Variants in HPGD observed in about 807,000 individuals in gnomAD.
HPGD encodes the protein 15-hydroxyprostaglandin dehydrogenase, also known as 15-hydroxyprostaglandin dehydrogenase [NAD(+)].
HPGD carries 29 observed loss-of-function variants against 30.0 expected under a neutral mutation model. That is an observed-to-expected ratio of 0.97 (90% confidence interval 0.72 to 1.32). The LOEUF is 1.32. Ranked by LOEUF, HPGD falls within the 40% of genes most tolerant of loss-of-function variation. The pLI, the probability that HPGD is intolerant of heterozygous loss-of-function variation, is 0.00. For missense variants in HPGD, 340 were observed against 322.1 expected (o/e 1.06, Z -0.43); for synonymous variants, 99 against 112.4 (o/e 0.88, Z 0.75).
intron 3 of HPGD, among the ~76,000 whole-genome samples, chr4:174,514,147 T>C (rs1470617866): frequency 6.6e-6 from 1 of 152,098 alleles, no homozygotes. Context: ...AATTCAATGG[T>C]ATATTAAACA....
intron 4 of HPGD, among the ~76,000 whole-genome samples, chr4:174,498,334 AG>A (rs903544877): frequency 3.3e-5 from 5 of 151,642 alleles, no homozygotes; most frequent in African/African-American, 9.7e-5. Context: ...TTTTTTTTAC[AG>A]CTTCATGGAG....
intron 3 of HPGD, among the ~76,000 whole-genome samples, chr4:174,514,351 G>A (rs1158762741): frequency 6.6e-6 from 1 of 152,082 alleles, no homozygotes; most frequent in Admixed American, 6.5e-5. Context: ...AAAAGATTTT[G>A]AGGGAAGCTT....
intron 4 of HPGD, chr4:174,506,831 ATCCAACTCTG>A (rs1287231560): frequency 6.6e-6 from 1 of 152,178 alleles, no homozygotes; most frequent in East Asian, 1.9e-4. Flanking sequence ...TCCTAAATTG[ATCCAACTCTG>A]AGGCTTTCAG....
intron 3 of HPGD, 30 bp downstream of exon 3, chr4:174,517,941 T>C (rs1735875330): frequency 1.8e-6 from 2 of 1,121,538 alleles, no homozygotes; most frequent in Admixed American, 1.7e-5. Flanking sequence ...TAAATAATTA[T>C]AGACAAGAAA....
intron 4 of HPGD, among the ~76,000 whole-genome samples, chr4:174,501,902 G>GT (rs1734919760): frequency 6.6e-6 from 1 of 152,028 alleles, no homozygotes; most frequent in Non-Finnish European, 1.5e-5. Context: ...AGCTCAAAAA[G>GT]ATTTTTTTGC....
intron 3 of HPGD, among the ~76,000 whole-genome samples, chr4:174,515,347 G>T (rs1019698733): frequency 2.6e-5 from 4 of 152,076 alleles, no homozygotes; most frequent in African/African-American, 9.7e-5. Flanking sequence ...GGAGAAGCCA[G>T]AAATAAGGCT....
chr4:174,503,603 A>G (rs1268651065), intron 4 of HPGD, among the ~76,000 whole-genome samples: 1 of 152,190 alleles, frequency 6.6e-6, no homozygotes, highest in African/African-American at 2.4e-5. Context: ...GCCCAGAGAT[A>G]GAAGAAGATG....
chr4:174,507,040 T>C (rs1439541701), intron 4 of HPGD: 1 of 152,244 alleles, frequency 6.6e-6, no homozygotes, highest in Non-Finnish European at 1.5e-5. Flanking sequence ...ATATCTCTTT[T>C]TAATTCTCCA....
intron 3 of HPGD, among the ~76,000 whole-genome samples, chr4:174,510,723 A>C (rs2110842180): frequency 6.6e-6 from 1 of 152,334 alleles, no homozygotes; most frequent in South Asian, 2.1e-4. Context: ...ACAGGGTCTA[A>C]TGCTTTGGCT....
intron 3 of HPGD, among the ~76,000 whole-genome samples, chr4:174,513,459 T>C (rs1025424645): frequency 4.7e-5 from 7 of 148,572 alleles, no homozygotes; most frequent in African/African-American, 7.7e-5. Context: ...ATAAAATGCA[T>C]ATTTTTTTTT....
chr4:174,508,090 C>A, intron 4 of HPGD: 1 of 700,940 alleles, frequency 1.4e-6, no homozygotes, highest in South Asian at 1.5e-5. Flanking sequence ...AAAAAGGAAT[C>A]CAGCAGTTCT....
rs1396272610 is a variant in HPGD, at chr4:174,494,103, A to C, written c.499-789T>G. The stretch of plus-strand genomic sequence containing the variant: ...TTAAAATGGCTGCCAAACCCACTGC[A>C]GAAGTGCTGTGTAGTGTTCCTTAGT... On this transcript the variant is annotated intron_variant, in intron 5 of 6. Coordinates refer to ENST00000296522, the MANE Select transcript of HPGD (RefSeq NM_000860.6). This position sits in a 1 kb window ranked among gnomAD's most constrained non-coding sequence, Gnocchi z 4.9. 6.6e-6 allele frequency among the ~76,000 whole-genome samples: 1 copy of C among 152,160 alleles called. No homozygotes were observed. The highest frequency in any genetic ancestry group is 2.4e-5 in the African/African-American group (1 of 41,442).
chr4:174,497,732 G>A (rs1480140949), intron 4 of HPGD, among the ~76,000 whole-genome samples: 3 of 150,202 alleles, frequency 2.0e-5, no homozygotes, highest in Non-Finnish European at 3.0e-5. Flanking sequence ...TATGCGCCAC[G>A]GTGCCCAGCT....
Position 174,494,173 on chromosome 4 carries a change from A to T in HPGD, c.499-859T>A, listed in dbSNP as rs1326308741. Among the ~76,000 whole-genome samples, 2 of 152,170 alleles carry T rather than the reference A, an allele frequency of 1.3e-5. No homozygotes were observed. Among genetic ancestry groups the T allele is most frequent in the East Asian group, 3.9e-4 (2 of 5,192 alleles). ...GTACAGAAAATATTTGTGTTAGATA[A>T]ATTTTGATCAGGCATGAGTAATAAG... On this transcript the variant is annotated intron_variant, in intron 5 of 6. Coordinates refer to ENST00000296522, the MANE Select transcript of HPGD (RefSeq NM_000860.6). This position sits in a 1 kb window ranked among gnomAD's most constrained non-coding sequence, Gnocchi z 4.9.
At chr4:174,517,052 G>C (rs1033848941) in intron 3 of HPGD, among the ~76,000 whole-genome samples, 3 of 152,154 alleles carry the variant, frequency 2.0e-5, no homozygotes, top group African/African-American at 7.2e-5. Context: ...TACCTGCCTT[G>C]TAAGATTGGT....
chr4:174,506,252 A>C (rs1207816140), intron 4 of HPGD, among the ~76,000 whole-genome samples: 1 of 152,182 alleles, frequency 6.6e-6, no homozygotes, highest in Non-Finnish European at 1.5e-5. Context: ...ACTTTACTGG[A>C]AGTATCAAAT....
At chr4:174,499,867 T>G (rs1734820033) in intron 4 of HPGD, among the ~76,000 whole-genome samples, 1 of 150,560 alleles carries the variant, frequency 6.6e-6, no homozygotes, top group South Asian at 2.1e-4. Context: ...TGGTCCTCTT[T>G]GCTTTTCTAT....
intron 3 of HPGD, among the ~76,000 whole-genome samples, chr4:174,511,795 C>A (rs1046865566): frequency 6.6e-6 from 1 of 152,140 alleles, no homozygotes; most frequent in South Asian, 2.1e-4. Flanking sequence ...TACAGGCGTC[C>A]GCCACCACGC....
intron 2 of HPGD, among the ~76,000 whole-genome samples, chr4:174,518,496 T>C (rs1735909815): frequency 6.6e-6 from 1 of 152,200 alleles, no homozygotes; most frequent in Admixed American, 6.5e-5. Context: ...CTCTGTAGCT[T>C]AGACTATTGG....
Sources: allele counts gnomAD v4.1 joint callset (sites outside exome capture counted in the v4.1 genomes callset), GRCh38; gene constraint gnomAD v4.1.1; non-coding constraint Gnocchi (gnomAD v3.1); transcripts MANE v1.5; gene names NCBI Gene and HGNC (gene_info 2026-07-23, HGNC 2026-07-21).